Variants in TCF12 observed in about 807,000 individuals in gnomAD.
TCF12 encodes transcription factor 12.
TCF12 carries 45 observed loss-of-function variants against 86.0 expected under a neutral mutation model. The observed-to-expected ratio is 0.52, with a 90% confidence interval of 0.41 to 0.67. The LOEUF is 0.67. Ranked by LOEUF, TCF12 falls within the 30% of genes least tolerant of loss-of-function variation. TCF12 has a pLI of 0.00. For missense variants in TCF12, 881 were observed against 859.9 expected (o/e 1.02, Z -0.31); for synonymous variants, 330 against 299.6 (o/e 1.10, Z -1.05).
intron 5 of TCF12, among the ~76,000 whole-genome samples, chr15:57,145,069 C>G (rs1329046126): frequency 6.6e-6 from 1 of 152,010 alleles, no homozygotes; most frequent in African/African-American, 2.4e-5. Flanking sequence ...ATGGATGAGC[C>G]AAAAGAAAAT....
At chr15:56,985,839 C>T (rs1305201847) in intron 3 of TCF12, among the ~76,000 whole-genome samples, 2 of 151,954 alleles carry the variant, frequency 1.3e-5, no homozygotes, top group Admixed American at 1.3e-4. Context: ...AATTTATTTC[C>T]TGCAAATTTT....
intron 8 of TCF12, among the ~76,000 whole-genome samples, chr15:57,212,690 A>C (rs908084950): frequency 1.3e-5 from 2 of 152,228 alleles, no homozygotes; most frequent in Admixed American, 6.5e-5. Flanking sequence ...GGTGGAGTGC[A>C]TAATAAAATG....
At chr15:56,951,390 G>C (rs1195315647) in intron 3 of TCF12, among the ~76,000 whole-genome samples, 1 of 151,874 alleles carries the variant, frequency 6.6e-6, no homozygotes. Context: ...TTAAAAATTA[G>C]GTTGTTTGTT....
At chr15:57,033,852 C>A (rs2066349154) in intron 3 of TCF12, among the ~76,000 whole-genome samples, 2 of 152,056 alleles carry the variant, frequency 1.3e-5, no homozygotes, top group Admixed American at 1.3e-4. Flanking sequence ...GTAGCTATTA[C>A]AAGGGAACAC....
chr15:57,179,355 G>A (rs1398942336), intron 6 of TCF12, among the ~76,000 whole-genome samples: 3 of 152,040 alleles, frequency 2.0e-5, no homozygotes, highest in East Asian at 3.9e-4. Flanking sequence ...AAGCATGATG[G>A]TGTGCACCTG....
intron 3 of TCF12, among the ~76,000 whole-genome samples, chr15:57,043,353 G>T (rs1169853194): frequency 6.6e-6 from 1 of 151,992 alleles, no homozygotes; most frequent in African/African-American, 2.4e-5. Flanking sequence ...ATTTTTTAAG[G>T]ACCTGCCATA....
intron 6 of TCF12, among the ~76,000 whole-genome samples, chr15:57,173,024 G>A (rs1205159715): frequency 6.6e-6 from 1 of 152,020 alleles, no homozygotes; most frequent in African/African-American, 2.4e-5. Context: ...AGGAGTTCGA[G>A]GCTGCAGTGC....
Position 57,096,378 on chromosome 15 carries a change from A to G in TCF12, c.325+4487A>G, listed in dbSNP as rs575165076. On this transcript the variant is annotated intron_variant, in intron 5 of 20. Coordinates refer to ENST00000333725, the MANE Select transcript of TCF12 (RefSeq NM_207037.2). ...ACTAGTTTTCTGTAGGACACTGGGAAATGTTTCTGGTTATTTAAAGGAAAA... is the reference window on the plus strand; with the variant it reads ...ACTAGTTTTCTGTAGGACACTGGGAGATGTTTCTGGTTATTTAAAGGAAAA... Among the ~76,000 whole-genome samples the G allele has an allele frequency of 3.3e-5, 5 of 152,208 alleles. No individual in the cohort carries two copies. In the South Asian group the frequency reaches 1.0e-3, roughly 32 times the overall value.
chr15:56,949,727 A>AAT (rs2061177281), intron 3 of TCF12, among the ~76,000 whole-genome samples: 1 of 152,176 alleles, frequency 6.6e-6, no homozygotes, highest in Non-Finnish European at 1.5e-5. Flanking sequence ...GCCCTTCTGG[A>AAT]AGAGCTAATT....
chr15:57,219,559 A>G, intron 8 of TCF12: 1 of 1,613,510 alleles, frequency 6.2e-7, no homozygotes, highest in African/African-American at 1.3e-5. Flanking sequence ...ATGGGCAGCA[A>G]TTCTTTGATG....
intron 5 of TCF12, among the ~76,000 whole-genome samples, chr15:57,104,288 G>A (rs2049964165): frequency 6.6e-6 from 1 of 151,876 alleles, no homozygotes; most frequent in Admixed American, 6.6e-5. Context: ...ATAGAGGAAG[G>A]GAAAAAATGT....
At chr15:57,108,882 T>C (rs2050307788) in intron 5 of TCF12, among the ~76,000 whole-genome samples, 1 of 152,208 alleles carries the variant, frequency 6.6e-6, no homozygotes, top group South Asian at 2.1e-4. Context: ...AAAAATTTTA[T>C]TGTCTGCAAA....
chr15:57,251,333 C>A lies in TCF12; in HGVS notation c.1115-17C>A. The A allele has an allele frequency of 6.2e-7, 1 of 1,613,346 alleles. No individual in the cohort carries two copies. The highest frequency in any genetic ancestry group is 2.2e-5 in the East Asian group (1 of 44,826). ...CTGAGTTAACCCAGGTGTGTGGCTA[C>A]TTTTGGGTTTTAACAGGTACCAGTC... is the stretch of plus-strand genomic sequence containing the variant. On this transcript the variant is annotated splice_polypyrimidine_tract_variant and intron_variant, in intron 13 of 20. Coordinates refer to ENST00000333725, the MANE Select transcript of TCF12 (RefSeq NM_207037.2).
chr15:57,078,485 ACTT>A (rs2070337158), intron 4 of TCF12, among the ~76,000 whole-genome samples: 1 of 152,096 alleles, frequency 6.6e-6, no homozygotes. Flanking sequence ...TCTTCTTGTG[ACTT>A]CTTGTGACTG....
chr15:57,252,300 C>A, intron 14 of TCF12, 121 bp from the exon 15 acceptor site: 2 of 673,938 alleles, frequency 3.0e-6, no homozygotes, highest in Non-Finnish European at 5.1e-6. Context: ...ATAGATCTCG[C>A]AAGTCTTGGC....
chr15:57,005,140 C>T (rs2064274395), intron 3 of TCF12, among the ~76,000 whole-genome samples: 3 of 152,152 alleles, frequency 2.0e-5, no homozygotes, highest in Non-Finnish European at 4.4e-5. Flanking sequence ...TTAGTTGATA[C>T]TTCCTAGTAT....
intron 4 of TCF12, among the ~76,000 whole-genome samples, chr15:57,091,226 T>C (rs2048974740): frequency 1.3e-5 from 2 of 152,292 alleles, no homozygotes; most frequent in African/African-American, 4.8e-5. Flanking sequence ...TTTTGTTGAA[T>C]ATTTGCCATT....
chr15:57,225,259 A>T (rs2058820308), intron 8 of TCF12, among the ~76,000 whole-genome samples: 1 of 92,954 alleles, frequency 1.1e-5, no homozygotes. Flanking sequence ...TTTAAGACGG[A>T]GTCTTGCACT....
chr15:57,036,309 G>T (rs1025955489), intron 3 of TCF12, among the ~76,000 whole-genome samples: 3 of 152,086 alleles, frequency 2.0e-5, no homozygotes, highest in African/African-American at 7.2e-5. Flanking sequence ...AAGAGTTGGA[G>T]AAGAGATATT....
Sources: allele counts gnomAD v4.1 joint callset (sites outside exome capture counted in the v4.1 genomes callset), GRCh38; gene constraint gnomAD v4.1.1; transcripts MANE v1.5; gene names NCBI Gene and HGNC (gene_info 2026-07-23, HGNC 2026-07-21).